The following FARP1 variants were observed in gnomAD, a reference collection of about 807,000 sequenced individuals.
FARP1 encodes FERM, ARH/RhoGEF and pleckstrin domain protein 1.
Under a neutral mutation model 128.8 loss-of-function variants are expected in FARP1, and 52 were observed. That is an observed-to-expected ratio of 0.40 (90% confidence interval 0.32 to 0.51). FARP1 has a LOEUF of 0.51. Ranked by LOEUF, FARP1 falls within the 20% of genes least tolerant of loss-of-function variation. FARP1 has a pLI of 0.45. For synonymous variants in FARP1, 580 were observed against 551.8 expected (o/e 1.05, Z -0.72); for missense variants, 1,333 against 1,367.9 (o/e 0.97, Z 0.40).
intron 2 of FARP1, among the ~76,000 whole-genome samples, chr13:98,270,384 T>C (rs1884335038): frequency 6.6e-6 from 1 of 152,248 alleles, no homozygotes; most frequent in Non-Finnish European, 1.5e-5. Context: ...CTCTCGGTGC[T>C]CTAAATTCTT....
chr13:98,416,135 C>T (rs183506907), intron 16 of FARP1, among the ~76,000 whole-genome samples: 68 of 152,322 alleles, frequency 4.5e-4, no homozygotes, highest in Non-Finnish European at 2.2e-4. Flanking sequence ...ATCCTCTTCC[C>T]GTTAACATCT....
intron 2 of FARP1, among the ~76,000 whole-genome samples, chr13:98,267,939 A>C (rs1256691522): frequency 7.9e-6 from 1 of 126,980 alleles, no homozygotes; most frequent in Non-Finnish European, 1.7e-5. Context: ...GATACTTAAA[A>C]AAATCTTCTA....
intron 2 of FARP1, chr13:98,245,404 C>G: frequency 9.4e-6 from 9 of 953,506 alleles, no homozygotes; most frequent in Non-Finnish European, 1.1e-5. Context: ...CTCCCATGTT[C>G]AGTGTTTTAT....
rs75886194 is a variant in FARP1 at position 98,361,873 on chromosome 13, C to T, written c.277-3522C>T. The stretch of plus-strand genomic sequence containing the variant: ...GTCCTGGGTTTTAGAGCTCTGTGTT[C>T]GCATCATCTCAGGTCTCTTTGGATA... On this transcript the variant is annotated intron_variant, in intron 3 of 26. Coordinates refer to ENST00000319562, the MANE Select transcript of FARP1 (RefSeq NM_005766.4). Among the ~76,000 whole-genome samples the T allele has an allele frequency of 5.3e-3, 813 of 152,226 alleles. 2 individuals carry two copies. Among genetic ancestry groups the T allele is most frequent in the Non-Finnish European group, 8.4e-3 (572 of 68,020 alleles).
At position 98,453,034 on chromosome 13, in the gene FARP1, G is replaced by A. The variant is rs1369363039; in HGVS notation, c.*4717G>A. The A allele has an allele frequency of 4.5e-6, 4 of 880,568 alleles. No homozygotes were observed. Among genetic ancestry groups the A allele is most frequent in the Non-Finnish European group, 5.3e-6 (3 of 566,450 alleles). The allele number at this position is 880,568 out of a possible 1,614,324, so 54.5% of individuals were successfully genotyped here. A position where few individuals can be genotyped will look rare whatever the true frequency, so the allele number is the denominator to read the frequency against. ...ACAGTGAAGACTGTGTGTGTCCCTGGACGGGCGCCTGGCGCTGGGGTGGCT... is the reference window on the plus strand; with the variant it reads ...ACAGTGAAGACTGTGTGTGTCCCTGAACGGGCGCCTGGCGCTGGGGTGGCT... On this transcript the variant is annotated 3_prime_UTR_variant, in exon 27 of 27. Transcript: ENST00000319562.
At chr13:98,382,774 G>T (rs1435401085) in intron 6 of FARP1, among the ~76,000 whole-genome samples, 2 of 151,922 alleles carry the variant, frequency 1.3e-5, no homozygotes, top group Non-Finnish European at 2.9e-5. Flanking sequence ...CCTTTTCATG[G>T]TCTATTTAGT....
intron 2 of FARP1, among the ~76,000 whole-genome samples, chr13:98,324,117 A>G (rs1297716631): frequency 2.0e-5 from 3 of 152,198 alleles, no homozygotes; most frequent in African/African-American, 7.2e-5. Context: ...CCTTTATTTC[A>G]TGCGTACATT....
intron 1 of FARP1, among the ~76,000 whole-genome samples, chr13:98,182,555 G>A (rs1472981689): frequency 1.3e-5 from 2 of 152,076 alleles, no homozygotes; most frequent in Admixed American, 6.6e-5. Context: ...TCAAACTCCC[G>A]GGCTTTAGTG....
In FARP1 at chr13:98,453,132, A is replaced by G. The variant is rs920753952; in HGVS notation, c.*4815A>G. ...TTTTAAAAAAGGAGGAGGATGAAGA[A>G]GGAAAAAAGGAAAAACAAAACCCCA... On this transcript the variant is annotated 3_prime_UTR_variant, in exon 27 of 27. Coordinates refer to ENST00000319562, the MANE Select transcript of FARP1 (RefSeq NM_005766.4). The G allele has an allele frequency of 9.9e-6, 16 of 1,610,104 alleles. No individual in the cohort carries two copies. Among genetic ancestry groups the G allele is most frequent in the African/African-American group, 1.3e-5 (1 of 74,786 alleles).
intron 11 of FARP1, among the ~76,000 whole-genome samples, chr13:98,393,227 C>T (rs1474721262): frequency 3.3e-5 from 5 of 152,336 alleles, no homozygotes; most frequent in Middle Eastern, 3.4e-3. Flanking sequence ...TGTTATAGAA[C>T]TGATCCAGAA....
chr13:98,236,177 G>T (rs1301693476), intron 2 of FARP1, among the ~76,000 whole-genome samples: 1 of 152,070 alleles, frequency 6.6e-6, no homozygotes, highest in Non-Finnish European at 1.5e-5. Flanking sequence ...ATGAACCTTT[G>T]CTTTACCATA....
intron 1 of FARP1, among the ~76,000 whole-genome samples, chr13:98,211,049 A>G (rs576341057): frequency 9.2e-5 from 14 of 152,170 alleles, no homozygotes; most frequent in South Asian, 4.2e-4. Context: ...CTTTAGTTAT[A>G]TATAGTACCA....
At chr13:98,224,183 T>G (rs1262820839) in intron 2 of FARP1, among the ~76,000 whole-genome samples, 1 of 152,130 alleles carries the variant, frequency 6.6e-6, no homozygotes, top group Non-Finnish European at 1.5e-5. Context: ...AAAGCTGAAT[T>G]ACTTTCCCAG....
intron 2 of FARP1, among the ~76,000 whole-genome samples, chr13:98,316,072 A>G (rs925046647): frequency 6.6e-6 from 1 of 152,138 alleles, no homozygotes; most frequent in Non-Finnish European, 1.5e-5. Context: ...CGGCTGGAGT[A>G]TGTCAACCCT....
intron 13 of FARP1, chr13:98,402,119 C>T (rs1050736219): frequency 3.9e-5 from 6 of 152,212 alleles, no homozygotes; most frequent in African/African-American, 1.4e-4. Context: ...AAAAGGTTAA[C>T]TCTACAGGGC....
At position 98,450,853 on chromosome 13, in the gene FARP1, T is replaced by A. The variant is rs747141547; in HGVS notation, c.*2536T>A. ...CTTGGCTAAGATGCCCTTAAAAACATTGGGGCTGATTTTGTGCGTCTACAG... is the reference window on the plus strand; with the variant it reads ...CTTGGCTAAGATGCCCTTAAAAACAATGGGGCTGATTTTGTGCGTCTACAG... On this transcript the variant is annotated 3_prime_UTR_variant, in exon 27 of 27. Transcript: ENST00000319562. The A allele has an allele frequency of 6.6e-6, 1 of 152,230 alleles. No homozygotes were observed. Among genetic ancestry groups the A allele is most frequent in the African/African-American group, 2.4e-5 (1 of 41,438 alleles). The allele number at this position is 152,230 out of a possible 1,614,324, so 9.4% of individuals were successfully genotyped here.
At chr13:98,262,994 C>G (rs1374614924) in intron 2 of FARP1, among the ~76,000 whole-genome samples, 1 of 151,460 alleles carries the variant, frequency 6.6e-6, no homozygotes, top group Non-Finnish European at 1.5e-5. Flanking sequence ...TCATCTTAAA[C>G]ATTATTATTA....
intron 1 of FARP1, among the ~76,000 whole-genome samples, chr13:98,179,041 C>T (rs145451325): frequency 6.6e-6 from 1 of 152,128 alleles, no homozygotes; most frequent in African/African-American, 2.4e-5. Context: ...TTCTTGGAGA[C>T]CCCCAGATGT....
At chr13:98,169,354 T>G (rs1877492885) in intron 1 of FARP1, among the ~76,000 whole-genome samples, 3 of 152,246 alleles carry the variant, frequency 2.0e-5, no homozygotes, top group Admixed American at 2.0e-4. Flanking sequence ...TTTACTGCAT[T>G]GTTTTGGTAG....
Sources: allele counts gnomAD v4.1 joint callset (sites outside exome capture counted in the v4.1 genomes callset), GRCh38; gene constraint gnomAD v4.1.1; transcripts MANE v1.5; gene names NCBI Gene and HGNC (gene_info 2026-07-23, HGNC 2026-07-21).